The following AKAP6 variants were observed in gnomAD, a reference collection of about 807,000 sequenced individuals.
The protein encoded by AKAP6 is A-kinase anchor protein 6.
A neutral mutation model predicts 188.5 loss-of-function variants in AKAP6; 58 were observed. The observed-to-expected ratio is 0.31, with a 90% CI of 0.25 to 0.38. The LOEUF (loss-of-function observed/expected upper bound fraction) is 0.38, where lower values mean the gene tolerates loss of function less well. AKAP6 is among the 10% of genes least tolerant of loss of function. The pLI is 1.00. For synonymous variants in AKAP6, 989 were observed against 998.6 expected (o/e 0.99, Z 0.18); for missense variants, 2,710 against 2,740.0 (o/e 0.99, Z 0.24).
chr14:32,503,115 T>C (rs1413816014), intron 2 of AKAP6, among the ~76,000 whole-genome samples: 2 of 152,160 alleles, frequency 1.3e-5, no homozygotes, highest in African/African-American at 2.4e-5. Flanking sequence ...TATGAAATTT[T>C]TTTTTGCTCT....
chr14:32,517,067 G>A (rs571730676), intron 2 of AKAP6, among the ~76,000 whole-genome samples: 5 of 152,184 alleles, frequency 3.3e-5, no homozygotes, highest in Non-Finnish European at 7.3e-5. Context: ...GATCATATAT[G>A]TTTAAATCCA....
intron 8 of AKAP6, among the ~76,000 whole-genome samples, chr14:32,680,910 A>G (rs1294843463): frequency 6.6e-6 from 1 of 152,174 alleles, no homozygotes; most frequent in African/African-American, 2.4e-5. Flanking sequence ...GTGAGGCTGT[A>G]TGAGTTCTAG....
intron 2 of AKAP6, among the ~76,000 whole-genome samples, chr14:32,479,333 A>G (rs1879224422): frequency 6.6e-6 from 1 of 152,164 alleles, no homozygotes; most frequent in African/African-American, 2.4e-5. Context: ...TGATTGTGTG[A>G]TTAATACATA....
chr14:32,753,665 T>G (rs2032224476), intron 11 of AKAP6, among the ~76,000 whole-genome samples: 1 of 152,246 alleles, frequency 6.6e-6, no homozygotes, highest in South Asian at 2.1e-4. Context: ...GTTTTACTTT[T>G]AAGTCTTTAA....
chr14:32,518,709 C>T (rs1438719930), intron 2 of AKAP6, among the ~76,000 whole-genome samples: 2 of 152,208 alleles, frequency 1.3e-5, no homozygotes, highest in Non-Finnish European at 2.9e-5. Context: ...AAGACCAAAT[C>T]TACGTCTGAT....
Position 32,557,201 on chromosome 14 carries a change from C to G in AKAP6, c.2346+10202C>G, listed in dbSNP as rs1883725522. On this transcript the variant is annotated intron_variant, in intron 4 of 13. Coordinates refer to ENST00000280979, the MANE Select transcript of AKAP6 (RefSeq NM_004274.5). ...CCTGGAGCTTAGTTGATCTTCCCAC[C>G]TCAGCCTACCCAGTAGCTGGGACTA... Among the ~76,000 whole-genome samples the G allele has an allele frequency of 7.9e-5, 12 of 152,268 alleles. No individual in the cohort carries two copies. The South Asian group carries it at 2.5e-3, about 32-fold the overall frequency.
chr14:32,437,483 G>C (rs1890419396), intron 2 of AKAP6, among the ~76,000 whole-genome samples: 1 of 152,058 alleles, frequency 6.6e-6, no homozygotes, highest in Non-Finnish European at 1.5e-5. Context: ...CTTAGGGTAG[G>C]CTCTGTCTCA....
intron 7 of AKAP6, among the ~76,000 whole-genome samples, chr14:32,624,548 T>C (rs1886938808): frequency 6.6e-6 from 1 of 152,180 alleles, no homozygotes; most frequent in Non-Finnish European, 1.5e-5. Context: ...TGGAATCTTA[T>C]TTCAGATTTC....
chr14:32,681,765 A>G (rs545492781), intron 8 of AKAP6, among the ~76,000 whole-genome samples: 1 of 149,904 alleles, frequency 6.7e-6, no homozygotes, highest in African/African-American at 2.5e-5. Flanking sequence ...CTGCAGCCAC[A>G]GCTTCTTGGC....
chr14:32,563,721 C>T (rs1374789126), intron 4 of AKAP6, among the ~76,000 whole-genome samples: 1 of 151,994 alleles, frequency 6.6e-6, no homozygotes, highest in East Asian at 1.9e-4. Flanking sequence ...AAGACTCTGC[C>T]TTGTCTTCCT....
chr14:32,768,766 T>C (rs935880869), intron 11 of AKAP6, among the ~76,000 whole-genome samples: 1 of 152,200 alleles, frequency 6.6e-6, no homozygotes, highest in Non-Finnish European at 1.5e-5. Flanking sequence ...AACTTTAGCA[T>C]GTATTGGAAT....
At chr14:32,455,952 G>A (rs550067674) in intron 2 of AKAP6, among the ~76,000 whole-genome samples, 2 of 152,292 alleles carry the variant, frequency 1.3e-5, no homozygotes, top group East Asian at 3.9e-4. Context: ...ACATTCTGGA[G>A]TGGCTGCTTT....
intron 1 of AKAP6, among the ~76,000 whole-genome samples, chr14:32,416,424 C>A (rs1420323418): frequency 6.6e-6 from 1 of 152,128 alleles, no homozygotes; most frequent in Non-Finnish European, 1.5e-5. Flanking sequence ...TTGATATATT[C>A]TTGATATTCA....
At chr14:32,548,681 C>A (rs1264767286) in intron 4 of AKAP6, among the ~76,000 whole-genome samples, 1 of 152,116 alleles carries the variant, frequency 6.6e-6, no homozygotes, top group African/African-American at 2.4e-5. Context: ...ACAGACAAAC[C>A]AGACAGACCT....
At position 32,492,337 on chromosome 14, in the gene AKAP6, AATAT is replaced by A. The variant is rs148154496; in HGVS notation, c.325-43201_325-43198del. 1.7e-4 allele frequency among the ~76,000 whole-genome samples: 13 copies of A among 76,758 alleles called. 1 individual carries two copies. Among genetic ancestry groups the A allele is most frequent in the African/African-American group, 3.1e-4 (9 of 28,590 alleles). 50.4% of individuals were successfully genotyped at this position (76,758 alleles called of 152,430 possible). A position where few individuals can be genotyped will look rare whatever the true frequency, so the allele number is the denominator to read the frequency against. On this transcript the variant is annotated intron_variant, in intron 2 of 13. Transcript: ENST00000280979. The stretch of plus-strand genomic sequence containing the variant: ...CACTGTGCTTCTCAAACTACATTGT[AATAT>A]ATATATATATATATAGAGAGAGAGA...
At chr14:32,554,956 A>G (rs1349892662) in intron 4 of AKAP6, among the ~76,000 whole-genome samples, 1 of 152,256 alleles carries the variant, frequency 6.6e-6, no homozygotes, top group Non-Finnish European at 1.5e-5. Context: ...GATGCATGAC[A>G]TAGCTGAGCC....
Position 32,786,298 on chromosome 14 carries a change from C to CTTTTTTT in AKAP6, c.3588+12426_3588+12432dup, listed in dbSNP as rs1162974012. 1.7e-3 allele frequency among the ~76,000 whole-genome samples: 141 copies of CTTTTTTT among 82,552 alleles called. 8 individuals carry two copies. The highest frequency in any genetic ancestry group is 2.1e-3 in the Non-Finnish European group (96 of 46,660). 54.2% of individuals were successfully genotyped at this position (82,552 alleles called of 152,430 possible). Reference sequence around the variant, plus strand: ...CCCTCTGAAAGACCTAAACCTTTATCTTTTTTTTTTTTTTTTTTTTTTTTT... The same window carrying CTTTTTTT: ...CCCTCTGAAAGACCTAAACCTTTATCTTTTTTTTTTTTTTTTTTTTTTTTTTTTTTTT... On this transcript the variant is annotated intron_variant, in intron 12 of 13. Transcript: ENST00000280979.
chr14:32,639,959 G>A (rs1414069671), intron 7 of AKAP6, among the ~76,000 whole-genome samples: 1 of 151,882 alleles, frequency 6.6e-6, no homozygotes, highest in Non-Finnish European at 1.5e-5. Flanking sequence ...CACTCTGAAG[G>A]CAAAATACAC....
rs557206887 is a variant in AKAP6 at position 32,678,732 on chromosome 14, C to T, written c.2879+273C>T. On this transcript the variant is annotated intron_variant, in intron 8 of 13. Transcript: ENST00000280979. ...AAGTGTTTTTGTGACTACGATGTGC[C>T]TTTAGTATTGATCTGTCTTCTTTAT... is the stretch of plus-strand genomic sequence containing the variant. Among the ~76,000 whole-genome samples the T allele has an allele frequency of 7.2e-5, 11 of 152,230 alleles. No individual in the cohort carries two copies. The East Asian group carries it at 2.1e-3, about 29-fold the overall frequency.
Sources: gnomAD v4.1 joint callset for allele counts (sites outside exome capture counted in the v4.1 genomes callset) on GRCh38, gnomAD v4.1.1 for gene constraint, MANE v1.5 for transcripts, NCBI Gene and HGNC (gene_info 2026-07-23, HGNC 2026-07-21) for gene names.